Variants in PRPF31 observed in about 807,000 individuals in gnomAD.
The protein encoded by PRPF31 is U4/U6 small nuclear ribonucleoprotein Prp31.
Under a neutral mutation model 60.4 loss-of-function variants are expected in PRPF31, and 12 were observed. The observed-to-expected ratio is 0.20, with a 90% CI of 0.13 to 0.32. The LOEUF is 0.32. Among genes scored for constraint, PRPF31 ranks in the 10% least tolerant of loss-of-function variants. The probability of loss-of-function intolerance (pLI) is 1.00; values close to 1 mark genes in which losing one functional copy is unlikely to be tolerated. For missense variants in PRPF31, 431 were observed against 687.1 expected (o/e 0.63, Z 4.17); for synonymous variants, 287 against 287.9 (o/e 1.00, Z 0.03).
intron 1 of PRPF31, among the ~76,000 whole-genome samples, chr19:54,116,820 C>A (rs587618953): frequency 6.6e-6 from 1 of 152,154 alleles, no homozygotes; most frequent in Non-Finnish European, 1.5e-5. Context: ...GAGAGCCAGA[C>A]GCCATGGCTC....
intron 4 of PRPF31, 47 bp downstream of exon 4, chr19:54,121,990 A>G: frequency 6.4e-7 from 1 of 1,552,622 alleles, no homozygotes; most frequent in South Asian, 1.2e-5. Flanking sequence ...GACGTCCCTC[A>G]CGCCCCCTCT....
rs1013733493 is a variant in PRPF31, at chr19:54,121,954, G to A, written c.322+11G>A. 4 of 1,607,548 alleles carry A rather than the reference G, an allele frequency of 2.5e-6. No homozygotes were observed. The highest frequency in any genetic ancestry group is 1.7e-5 in the Admixed American group (1 of 59,290). ...TCGAAAACGAGCTGAGTGAGTGCTG[G>A]GGGGCAGGCGGAGACAGCCCCGTGT... On this transcript the variant is annotated intron_variant, in intron 4 of 13. Transcript: ENST00000321030.
Position 54,118,554 on chromosome 19 carries a change from G to A in PRPF31, c.178-19G>A. ...TTTTGAAGAGTGCTGGATTCTGACT[G>A]TCTTCTCCTTTCCTACAGTTTGCTG... On this transcript the variant is annotated intron_variant, in intron 2 of 13. Coordinates refer to ENST00000321030, the MANE Select transcript of PRPF31 (RefSeq NM_015629.4). The A allele has an allele frequency of 6.2e-7, 1 of 1,614,054 alleles. No homozygotes were observed. Among genetic ancestry groups the A allele is most frequent in the South Asian group, 1.1e-5 (1 of 91,084 alleles).
intron 1 of PRPF31, among the ~76,000 whole-genome samples, chr19:54,117,010 G>A (rs2073660398): frequency 6.6e-6 from 1 of 152,158 alleles, no homozygotes; most frequent in East Asian, 1.9e-4. Flanking sequence ...CGGGAGAATC[G>A]CTTGAGCCCA....
intron 5 of PRPF31, 191 bp downstream of exon 5, chr19:54,122,785 C>A: frequency 1.5e-6 from 1 of 666,490 alleles, no homozygotes. Flanking sequence ...CCCTCCAACC[C>A]CAGTCTCCCG....
chr19:54,125,908 C>T (rs2073910287), intron 8 of PRPF31, among the ~76,000 whole-genome samples: 1 of 152,234 alleles, frequency 6.6e-6, no homozygotes, highest in African/African-American at 2.4e-5. Flanking sequence ...GTTAAACCTG[C>T]CCCAGGGAGC....
chr19:54,128,629 G>T (rs368961632), intron 11 of PRPF31, among the ~76,000 whole-genome samples: 4 of 151,636 alleles, frequency 2.6e-5, no homozygotes, highest in African/African-American at 9.7e-5. Flanking sequence ...CTCCTTGGCC[G>T]GTTCCTCCCT....
intron 8 of PRPF31, chr19:54,124,870 C>T (rs587683756): frequency 1.6e-6 from 1 of 626,522 alleles, no homozygotes; most frequent in African/African-American, 1.8e-5. Context: ...CATGAGCGCC[C>T]TGTGCCTCAG....
At position 54,128,296 on chromosome 19, in the gene PRPF31, C is replaced by T. The variant is rs1440330376; in HGVS notation, c.1074-9C>T. ...GACTCCCTGGCGCCGCCCACCCACC[C>T]GTCCCCAGGTACCGCAAGATGAAGG... On this transcript the variant is annotated splice_polypyrimidine_tract_variant and intron_variant, in intron 10 of 13. Transcript: ENST00000321030. 4.0e-5 allele frequency: 62 copies of T among 1,544,720 alleles called. No individual in the cohort carries two copies. The highest frequency in any genetic ancestry group is 5.0e-5 in the Non-Finnish European group (57 of 1,143,252).
intron 13 of PRPF31, among the ~76,000 whole-genome samples, chr19:54,130,918 C>T (rs1482561367): frequency 6.6e-6 from 1 of 152,058 alleles, no homozygotes; most frequent in Non-Finnish European, 1.5e-5. Flanking sequence ...TTAGGAAGTG[C>T]CAGCCAGGTG....
chr19:54,128,989 G>A lies in PRPF31; in HGVS notation c.1147-68G>A, dbSNP rs1420985268. ...ACCGCTGGGCTTCGGGCTGGTGGAG[G>A]GGGTGCCTCGGTGGCTGGAGGGCAG... On this transcript the variant is annotated intron_variant, in intron 11 of 13. Transcript: ENST00000321030. 46 of 1,484,288 alleles carry A rather than the reference G, an allele frequency of 3.1e-5. 1 individual carries two copies. In the Middle Eastern group the frequency reaches 8.3e-4, roughly 27 times the overall value. 91.9% of individuals were successfully genotyped at this position (1,484,288 alleles called of 1,614,324 possible).
chr19:54,117,100 A>G (rs2073663687), intron 1 of PRPF31, among the ~76,000 whole-genome samples: 1 of 151,976 alleles, frequency 6.6e-6, no homozygotes, highest in Non-Finnish European at 1.5e-5. Flanking sequence ...GTCTCAAAAA[A>G]AAGAAAAGAA....
Position 54,128,212 on chromosome 19 carries a change from TG to T in PRPF31, c.1073+17del, listed in dbSNP as rs1416066278. ...CGAGGCGGCCGCAGGTGAGGGGCCCTGGGGGTCCGGTAGGCATGGGGGTCAT... is the reference window on the plus strand; with the variant it reads ...CGAGGCGGCCGCAGGTGAGGGGCCCTGGGGTCCGGTAGGCATGGGGGTCAT... On this transcript the variant is annotated intron_variant, in intron 10 of 13. Coordinates refer to ENST00000321030, the MANE Select transcript of PRPF31 (RefSeq NM_015629.4). 1.3e-6 allele frequency: 2 copies of T among 1,569,796 alleles called. No individual in the cohort carries two copies. Among genetic ancestry groups the T allele is most frequent in the East Asian group, 4.6e-5 (2 of 43,752 alleles).
intron 7 of PRPF31, 68 bp from the exon 8 acceptor site, chr19:54,124,431 G>T: frequency 7.2e-7 from 1 of 1,381,074 alleles, no homozygotes; most frequent in Non-Finnish European, 1.0e-6. Flanking sequence ...CCCCCAGGCA[G>T]ATTTACTCAC....
intron 3 of PRPF31, among the ~76,000 whole-genome samples, chr19:54,120,674 G>T (rs960925186): frequency 6.6e-6 from 1 of 152,148 alleles, no homozygotes; most frequent in South Asian, 2.1e-4. Flanking sequence ...GCAGTGGCAC[G>T]ATCCCAGCTC....
chr19:54,121,550 G>A (rs1157185427), intron 3 of PRPF31, among the ~76,000 whole-genome samples: 2 of 152,166 alleles, frequency 1.3e-5, no homozygotes, highest in African/African-American at 4.8e-5. Context: ...AGAGCTTCCG[G>A]AGTTGGGGAG....
chr19:54,122,540 C>T lies in PRPF31; in HGVS notation c.366C>T (p.Phe122=), dbSNP rs2073818017. The part of the protein sequence containing the change: ...KFIRDKYSKR[F]PELESLVPNA... ...TCCGGGATAAGTACTCAAAGAGATT[C>T]CCTGAACTGGAGTCCTTGGTCCCCA... The change falls in exon 5 of 14, where the codon TTC becomes TTT. Residue 122 remains phenylalanine, a synonymous_variant. Coordinates refer to ENST00000321030, the MANE Select transcript of PRPF31 (RefSeq NM_015629.4). 3.1e-6 allele frequency: 5 copies of T among 1,614,182 alleles called. No individual in the cohort carries two copies. The highest frequency in any genetic ancestry group is 4.2e-6 in the Non-Finnish European group (5 of 1,179,982).
intron 5 of PRPF31, 194 bp from the exon 6 acceptor site, chr19:54,123,260 G>A (rs913228105): frequency 2.5e-5 from 16 of 641,590 alleles, no homozygotes; most frequent in Admixed American, 4.8e-5. Context: ...AGGGCAGATG[G>A]TGTGGATGCT....
chr19:54,130,022 A>C (rs1273133347), intron 13 of PRPF31, among the ~76,000 whole-genome samples: 4 of 152,106 alleles, frequency 2.6e-5, no homozygotes, highest in Non-Finnish European at 2.9e-5. Context: ...GGGCGCAGAC[A>C]GCTCAGTAAG....
Sources: gnomAD v4.1 joint callset for allele counts (sites outside exome capture counted in the v4.1 genomes callset) on GRCh38, gnomAD v4.1.1 for gene constraint, MANE v1.5 for transcripts, NCBI Gene and HGNC (gene_info 2026-07-23, HGNC 2026-07-21) for gene names.